The following LRP1B variants were observed in gnomAD, a reference collection of about 807,000 sequenced individuals.
LRP1B encodes the protein LDL receptor related protein 1B.
In LRP1B, 217 loss-of-function variants were observed where a neutral mutation model predicts 556.6. The observed-to-expected ratio is 0.39, with a 90% CI of 0.35 to 0.44. The LOEUF (loss-of-function observed/expected upper bound fraction) is 0.44. Among genes scored for constraint, LRP1B ranks in the 20% least tolerant of loss-of-function variants. The pLI, the probability that LRP1B is intolerant of heterozygous loss-of-function variation, is 1.00. For synonymous variants in LRP1B, 2,047 were observed against 1,865.8 expected (o/e 1.10, Z -2.50); for missense variants, 5,053 against 5,620.8 (o/e 0.90, Z 3.23).
chr2:140,935,607 C>G (rs1270055171), intron 20 of LRP1B, among the ~76,000 whole-genome samples: 1 of 151,974 alleles, frequency 6.6e-6, no homozygotes, highest in Non-Finnish European at 1.5e-5. Context: ...GCGAGAATAT[C>G]TAAAGAAAAC....
chr2:140,449,613 T>G (rs1438971596), intron 63 of LRP1B, among the ~76,000 whole-genome samples: 1 of 152,118 alleles, frequency 6.6e-6, no homozygotes. Flanking sequence ...ATGCACTATG[T>G]GAAACAACTT....
chr2:142,091,974 GCTAT>G (rs1169109926), intron 1 of LRP1B, among the ~76,000 whole-genome samples: 1 of 152,138 alleles, frequency 6.6e-6, no homozygotes, highest in Non-Finnish European at 1.5e-5. Flanking sequence ...GAGTAGAGAA[GCTAT>G]CTAAACCTAT....
At chr2:140,448,533 T>G (rs181734684) in intron 63 of LRP1B, among the ~76,000 whole-genome samples, 47 of 152,188 alleles carry the variant, frequency 3.1e-4, no homozygotes, top group African/African-American at 9.9e-4. Context: ...GTGATCTCAC[T>G]TATATGTAGA....
intron 7 of LRP1B, among the ~76,000 whole-genome samples, chr2:141,161,694 C>A (rs1416299642): frequency 6.6e-6 from 1 of 152,052 alleles, no homozygotes; most frequent in Non-Finnish European, 1.5e-5. Flanking sequence ...TATTGTCCAA[C>A]CAGAATAATA....
chr2:142,053,532 T>C (rs573626830), intron 1 of LRP1B, among the ~76,000 whole-genome samples: 1 of 152,250 alleles, frequency 6.6e-6, no homozygotes, highest in East Asian at 1.9e-4. Context: ...TCTATAGATA[T>C]GTAATAGAAA....
At chr2:140,391,094 C>A (rs752611786) in intron 66 of LRP1B, among the ~76,000 whole-genome samples, 1 of 151,832 alleles carries the variant, frequency 6.6e-6, no homozygotes, top group Non-Finnish European at 1.5e-5. Flanking sequence ...TTGCTATAAC[C>A]TTTCTGATTA....
At chr2:141,910,752 C>A (rs1467171069) in intron 1 of LRP1B, among the ~76,000 whole-genome samples, 1 of 151,872 alleles carries the variant, frequency 6.6e-6, no homozygotes, top group Non-Finnish European at 1.5e-5. Context: ...CATAAATACA[C>A]CTAAGTAGAT....
At chr2:141,718,354 C>A (rs910852736) in intron 2 of LRP1B, among the ~76,000 whole-genome samples, 2 of 151,702 alleles carry the variant, frequency 1.3e-5, no homozygotes, top group African/African-American at 4.9e-5. Flanking sequence ...GTATAAGATC[C>A]TCAATCTAAT....
intron 62 of LRP1B, among the ~76,000 whole-genome samples, chr2:140,455,888 A>G (rs757772599): frequency 1.3e-5 from 2 of 152,202 alleles, no homozygotes; most frequent in African/African-American, 2.4e-5. Context: ...TCATATGACT[A>G]TTGTCCAAAA....
At chr2:141,908,998 G>A (rs1012840560) in intron 1 of LRP1B, among the ~76,000 whole-genome samples, 3 of 152,010 alleles carry the variant, frequency 2.0e-5, no homozygotes, top group African/African-American at 4.8e-5. Context: ...TGTAAGAGTC[G>A]GAGTCCACCC....
chr2:141,416,561 C>T (rs1468940091), intron 3 of LRP1B, among the ~76,000 whole-genome samples: 7 of 147,450 alleles, frequency 4.7e-5, no homozygotes, highest in Non-Finnish European at 8.9e-5. Flanking sequence ...TCAAGCAATT[C>T]TCCTGCCTCT....
intron 18 of LRP1B, among the ~76,000 whole-genome samples, chr2:140,957,736 T>C (rs951688043): frequency 6.6e-6 from 1 of 151,492 alleles, no homozygotes; most frequent in Non-Finnish European, 1.5e-5. Flanking sequence ...AGAAAGCTGG[T>C]TCTGTAATCT....
At chr2:140,766,372 G>A (rs968379600) in intron 35 of LRP1B, among the ~76,000 whole-genome samples, 2 of 151,810 alleles carry the variant, frequency 1.3e-5, no homozygotes, top group African/African-American at 4.8e-5. Flanking sequence ...TCAAGCTGCT[G>A]ACACTTATTC....
intron 2 of LRP1B, among the ~76,000 whole-genome samples, chr2:141,616,145 G>A (rs1387133668): frequency 6.6e-6 from 1 of 152,056 alleles, no homozygotes; most frequent in African/African-American, 2.4e-5. Context: ...AGCTGGGTGT[G>A]GTGGCGTGTG....
intron 77 of LRP1B, among the ~76,000 whole-genome samples, chr2:140,345,652 G>A (rs1424494928): frequency 6.9e-6 from 1 of 145,690 alleles, no homozygotes. Context: ...ATGTATATAT[G>A]TGTGTGTGTA....
intron 3 of LRP1B, among the ~76,000 whole-genome samples, chr2:141,256,931 C>G (rs901848003): frequency 6.6e-6 from 1 of 151,384 alleles, no homozygotes; most frequent in African/African-American, 2.4e-5. Context: ...ATAAAAACAC[C>G]CGTAGAACCT....
At chr2:141,309,282 C>A (rs752079352) in intron 3 of LRP1B, among the ~76,000 whole-genome samples, 1 of 152,154 alleles carries the variant, frequency 6.6e-6, no homozygotes, top group Non-Finnish European at 1.5e-5. Flanking sequence ...AATAACTTGT[C>A]TTTGTTCCAC....
intron 45 of LRP1B, 101 bp from the exon 46 acceptor site, chr2:140,536,810 A>G (rs1679919732): frequency 2.6e-6 from 2 of 781,128 alleles, no homozygotes; most frequent in South Asian, 4.1e-5. Flanking sequence ...AAGATAAACT[A>G]AAATTTATCA....
chr2:140,826,478 A>G (rs1349882355), intron 31 of LRP1B, among the ~76,000 whole-genome samples: 3 of 152,212 alleles, frequency 2.0e-5, no homozygotes, highest in Non-Finnish European at 4.4e-5. Flanking sequence ...GAGAAAACCA[A>G]AAATAATTAT....
Sources: gnomAD v4.1 joint callset for allele counts (sites outside exome capture counted in the v4.1 genomes callset) on GRCh38, gnomAD v4.1.1 for gene constraint, MANE v1.5 for transcripts, NCBI Gene and HGNC (gene_info 2026-07-23, HGNC 2026-07-21) for gene names.